Variants in TRAF5 observed in about 807,000 individuals in gnomAD.
TRAF5 encodes TNF receptor-associated factor 5.
TRAF5 carries 48 observed loss-of-function variants against 64.5 expected under a neutral mutation model. The ratio of observed to expected loss-of-function variants is 0.74; its 90% CI spans 0.59 to 0.95. TRAF5 has a LOEUF of 0.95. Ranked by LOEUF, TRAF5 falls within the 40% of genes least tolerant of loss-of-function variation. The pLI, the probability that TRAF5 is intolerant of heterozygous loss-of-function variation, is 0.00. For synonymous variants in TRAF5, 206 were observed against 240.5 expected (o/e 0.86, Z 1.33); for missense variants, 545 against 662.8 (o/e 0.82, Z 1.95).
chr1:211,371,830 G>T (rs760748800), intron 10 of TRAF5, among the ~76,000 whole-genome samples: 5 of 152,244 alleles, frequency 3.3e-5, no homozygotes, highest in East Asian at 1.9e-4. Flanking sequence ...CCATTTAAAA[G>T]CATTCTAGTT....
At chr1:211,356,007 C>CACATATT (rs1702950905) in intron 3 of TRAF5, among the ~76,000 whole-genome samples, 2 of 152,202 alleles carry the variant, frequency 1.3e-5, no homozygotes, top group Admixed American at 6.5e-5. Flanking sequence ...GCCTCAGTGA[C>CACATATT]ACTGTCTGAT....
intron 1 of TRAF5, among the ~76,000 whole-genome samples, chr1:211,336,718 G>A (rs1393449754): frequency 2.6e-5 from 4 of 152,204 alleles, no homozygotes; most frequent in African/African-American, 7.2e-5. Context: ...GGAGTGCAGT[G>A]GTGTGATCTT....
At chr1:211,336,973 C>A (rs150792088) in intron 1 of TRAF5, among the ~76,000 whole-genome samples, 6 of 152,038 alleles carry the variant, frequency 3.9e-5, no homozygotes, top group African/African-American at 1.4e-4. Context: ...CTCAACTGAT[C>A]CGCTCGCCTC....
At chr1:211,355,294 T>G (rs2102746767) in intron 3 of TRAF5, among the ~76,000 whole-genome samples, 1 of 152,312 alleles carries the variant, frequency 6.6e-6, no homozygotes, top group Middle Eastern at 3.4e-3. Context: ...CTTGATCGTG[T>G]GTTTGAAGCA....
intron 1 of TRAF5, among the ~76,000 whole-genome samples, chr1:211,334,690 TGTTTACCTAGATG>T (rs1231664560): frequency 1.3e-5 from 2 of 151,912 alleles, no homozygotes; most frequent in African/African-American, 4.8e-5. Flanking sequence ...CAAAACACAT[TGTTTACCTAGATG>T]GTTTAAGCAC....
At chr1:211,360,635 C>G in intron 5 of TRAF5, 67 bp from the exon 6 acceptor site, 1 of 1,262,050 alleles carries the variant, frequency 7.9e-7, no homozygotes, top group Non-Finnish European at 1.2e-6. Flanking sequence ...CCCAAAGAGA[C>G]ACAGGTGTAA....
rs1260488657 is a variant in TRAF5 at position 211,353,403 on chromosome 1, C to T, written c.164C>T (p.Pro55Leu). ...CAFCHSVLHNPHQTGCGHRFC... is the reference protein window; with the variant it reads ...CAFCHSVLHNLHQTGCGHRFC... ...TTCTGCCACTCGGTGCTTCACAACC[C>T]CCACCAGACAGGATGTGGGCACCGC... is the stretch of plus-strand genomic sequence containing the variant. The change falls in exon 2 of 11, where the codon CCC becomes CTC. Residue 55 changes from proline to leucine, a missense_variant. By Grantham distance (98) the Pro-to-Leu change is moderately conservative. Coordinates refer to ENST00000261464, the MANE Select transcript of TRAF5 (RefSeq NM_001033910.3). 1.9e-6 allele frequency: 3 copies of T among 1,614,074 alleles called. No individual in the cohort carries two copies. Among genetic ancestry groups the T allele is most frequent in the East Asian group, 2.2e-5 (1 of 44,870 alleles).
intron 8 of TRAF5, among the ~76,000 whole-genome samples, chr1:211,366,273 C>T (rs143995697): frequency 9.2e-5 from 14 of 152,236 alleles, no homozygotes; most frequent in Non-Finnish European, 1.0e-4. Flanking sequence ...GGGTCAGATT[C>T]TGGAGAAAAT....
intron 7 of TRAF5, among the ~76,000 whole-genome samples, chr1:211,362,459 C>G (rs1703215741): frequency 1.3e-5 from 2 of 152,064 alleles, no homozygotes; most frequent in Non-Finnish European, 2.9e-5. Context: ...GTGGGTGGAT[C>G]ATTTGAAGTC....
In TRAF5 at chr1:211,373,998, G is replaced by A. The variant is rs1703617671; in HGVS notation, c.*1296G>A. 1 of 152,230 alleles carries A rather than the reference G, an allele frequency of 6.6e-6. No individual in the cohort carries two copies. The highest frequency in any genetic ancestry group is 6.5e-5 in the Admixed American group (1 of 15,286). The allele number at this position is 152,230 out of a possible 1,614,324, so 9.4% of individuals were successfully genotyped here. On this transcript the variant is annotated 3_prime_UTR_variant, in exon 11 of 11. Transcript: ENST00000261464. ...TCTGCCCGCCTCGGCCTCCCAAAGT[G>A]CTGAGATTACAGGCATGACCCACCG...
In TRAF5 at chr1:211,374,098, T is replaced by G. The variant is rs536291154; in HGVS notation, c.*1396T>G. 3.3e-4 allele frequency: 51 copies of G among 152,360 alleles called. No individual in the cohort carries two copies. Among genetic ancestry groups the G allele is most frequent in the African/African-American group, 1.2e-3 (48 of 41,582 alleles). 9.4% of individuals were successfully genotyped at this position (152,360 alleles called of 1,614,324 possible). A position where few individuals can be genotyped will look rare whatever the true frequency, so the allele number is the denominator to read the frequency against. ...CATTTATATAAACTTGTGATGTTTC[T>G]TGTCAGAATTCTGAGTACTCTGTGA... On this transcript the variant is annotated 3_prime_UTR_variant, in exon 11 of 11. Transcript: ENST00000261464.
chr1:211,364,100 C>T (rs768567476), intron 7 of TRAF5, among the ~76,000 whole-genome samples: 2 of 151,996 alleles, frequency 1.3e-5, no homozygotes, highest in East Asian at 1.9e-4. Flanking sequence ...AACCCTAACC[C>T]GAATGAAAAT....
At chr1:211,340,147 G>T (rs1471833999) in intron 1 of TRAF5, among the ~76,000 whole-genome samples, 1 of 152,206 alleles carries the variant, frequency 6.6e-6, no homozygotes, top group Non-Finnish European at 1.5e-5. Flanking sequence ...GCTGGGCAAA[G>T]CCTGGGCTCA....
chr1:211,365,447 G>T lies in TRAF5; in HGVS notation c.768G>T (p.Lys256Asn), dbSNP rs1572090267. 2 of 1,613,380 alleles carry T rather than the reference G, an allele frequency of 1.2e-6. No individual in the cohort carries two copies. The highest frequency in any genetic ancestry group is 4.5e-5 in the East Asian group (2 of 44,836). ...AGCACATGCGTTTGGTTTTAGAAAA[G>T]AATGTCCAATTAGAAGAACAGGTAA... ...LREHMRLVLE[K>N]NVQLEEQISD... Residue 256 changes from lysine to asparagine, a missense_variant, in exon 8 of 11, where the codon AAG becomes AAT. Lys to Asn is a moderately conservative substitution (Grantham distance 94, BLOSUM62 0). Transcript: ENST00000261464.
rs919515057 is a variant in TRAF5, at chr1:211,364,465, T to A, written c.697-911T>A. 1.4e-4 allele frequency among the ~76,000 whole-genome samples: 21 copies of A among 152,158 alleles called. No homozygotes were observed. In the East Asian group the frequency reaches 3.9e-3, roughly 28 times the overall value. ...ACTTTGGGAGGCCAAGGCAGGTAGA[T>A]CATGAGGTCAGGAGTTCGAGACCAG... is the stretch of plus-strand genomic sequence containing the variant. On this transcript the variant is annotated intron_variant, in intron 7 of 10. Transcript: ENST00000261464.
chr1:211,364,685 CAAAAAACA>C (rs1703290693), intron 7 of TRAF5, among the ~76,000 whole-genome samples: 1 of 41,538 alleles, frequency 2.4e-5, no homozygotes, highest in African/African-American at 8.7e-5. Flanking sequence ...GACTCCATCT[CAAAAAACA>C]AACAAACAAA....
intron 1 of TRAF5, among the ~76,000 whole-genome samples, chr1:211,351,067 C>A (rs1702772891): frequency 7.9e-6 from 1 of 127,018 alleles, no homozygotes; most frequent in South Asian, 2.6e-4. Flanking sequence ...GAGTCTTGCT[C>A]TGACACTGGA....
intron 4 of TRAF5, 53 bp downstream of exon 4, chr1:211,356,521 T>G (rs986651960): frequency 6.7e-7 from 1 of 1,486,448 alleles, no homozygotes; most frequent in East Asian, 2.3e-5. Flanking sequence ...CAGGAATGTG[T>G]GTTGAACCCC....
At chr1:211,352,981 T>C (rs1156393222) in intron 1 of TRAF5, among the ~76,000 whole-genome samples, 2 of 152,196 alleles carry the variant, frequency 1.3e-5, no homozygotes, top group African/African-American at 2.4e-5. Flanking sequence ...AAAAGACTGA[T>C]GGACAAAGAA....
Sources: allele counts gnomAD v4.1 joint callset (sites outside exome capture counted in the v4.1 genomes callset), GRCh38; gene constraint gnomAD v4.1.1; transcripts MANE v1.5; gene names NCBI Gene and HGNC (gene_info 2026-07-23, HGNC 2026-07-21).